Variants in UNC5B observed in about 807,000 individuals in gnomAD.
UNC5B encodes unc-5 netrin receptor B.
UNC5B carries 56 observed loss-of-function variants against 103.7 expected under a neutral mutation model. The ratio of observed to expected loss-of-function variants is 0.54; its 90% CI spans 0.44 to 0.67. UNC5B has a LOEUF of 0.67. UNC5B is among the 30% of genes least tolerant of loss of function. The probability of loss-of-function intolerance (pLI) is 0.00; values close to 1 mark genes in which losing one functional copy is unlikely to be tolerated. For missense variants in UNC5B, 1,194 were observed against 1,284.5 expected, an observed-to-expected ratio of 0.93 and a Z score of 1.08; for synonymous variants, 577 against 542.0, an observed-to-expected ratio of 1.06 and a Z score of -0.90.
Position 71,213,152 on chromosome 10 carries a change from C to A in UNC5B, c.79+88C>A. The A allele has an allele frequency of 9.2e-7, 1 of 1,091,202 alleles. No individual in the cohort carries two copies. The highest frequency in any genetic ancestry group is 1.2e-6 in the Non-Finnish European group (1 of 855,862). The allele number at this position is 1,091,202 out of a possible 1,614,324, so 67.6% of individuals were successfully genotyped here. A position where few individuals can be genotyped will look rare whatever the true frequency, so the allele number is the denominator to read the frequency against. ...AAGTTGAGGTGGTCTTTCGTCGCAT[C>A]GATGCGCGCAGGAAAAGCGGCAAGG... On this transcript the variant is annotated intron_variant, in intron 1 of 16. Coordinates refer to ENST00000335350, the MANE Select transcript of UNC5B (RefSeq NM_170744.5). This position sits in a 1 kb window ranked among gnomAD's most constrained non-coding sequence, Gnocchi z 4.1.
intron 1 of UNC5B, among the ~76,000 whole-genome samples, chr10:71,229,661 G>A (rs1843643996): frequency 6.6e-6 from 1 of 152,202 alleles, no homozygotes. Flanking sequence ...AAATTCCCTG[G>A]GACCTTGGGG....
At position 71,286,789 on chromosome 10, in the gene UNC5B, C is replaced by T. The variant is rs112144078; in HGVS notation, c.653C>T (p.Ser218Leu). ...HNLIIRQARLSDTANYTCVAK... is the reference protein window; with the variant it reads ...HNLIIRQARLLDTANYTCVAK... ...CTCATCATCCGCCAGGCCCGCCTGT[C>T]GGACACTGCCAACTATACCTGCGTG... is the stretch of plus-strand genomic sequence containing the variant. The change falls in exon 5 of 17, where the codon TCG becomes TTG. Residue 218 changes from serine (S) to leucine (L), a missense_variant. Transcript: ENST00000335350. The T allele has an allele frequency of 1.9e-3, 3,053 of 1,614,200 alleles. 31 individuals carry two copies. In the African/African-American group the frequency reaches 0.022, roughly 12 times the overall value.
intron 1 of UNC5B, among the ~76,000 whole-genome samples, chr10:71,243,409 C>A (rs1843952575): frequency 6.6e-6 from 1 of 152,134 alleles, no homozygotes; most frequent in African/African-American, 2.4e-5. Flanking sequence ...CTGCACTGCC[C>A]AGTCTGGTAG....
intron 15 of UNC5B, among the ~76,000 whole-genome samples, chr10:71,296,984 TGGTGGAGGTGAGGGAAG>T (rs1845454921): frequency 3.7e-5 from 5 of 135,492 alleles, no homozygotes; most frequent in Admixed American, 7.3e-5. Context: ...CACACCACTC[TGGTGGAGGTGAGGGAAG>T]GGCGGCCAGA....
intron 1 of UNC5B, among the ~76,000 whole-genome samples, chr10:71,230,488 C>T (rs1311807181): frequency 2.0e-5 from 3 of 152,260 alleles, no homozygotes; most frequent in African/African-American, 7.2e-5. Flanking sequence ...ACCAAGTGAC[C>T]TGTGGACCTA....
At chr10:71,275,914 C>A (rs1227569607) in intron 1 of UNC5B, among the ~76,000 whole-genome samples, 2 of 152,010 alleles carry the variant, frequency 1.3e-5, no homozygotes, top group Non-Finnish European at 2.9e-5. Context: ...CTTTGCAAAG[C>A]TGGGATTGTG....
intron 1 of UNC5B, among the ~76,000 whole-genome samples, chr10:71,259,302 T>C (rs2132279423): frequency 6.7e-6 from 1 of 150,282 alleles, no homozygotes. Context: ...GGCAGGAGAA[T>C]CATTTGAACC....
intron 1 of UNC5B, among the ~76,000 whole-genome samples, chr10:71,228,244 C>T (rs942006736): frequency 6.6e-6 from 1 of 152,144 alleles, no homozygotes; most frequent in African/African-American, 2.4e-5. Flanking sequence ...AACAATGATA[C>T]AACTACTAAA....
chr10:71,258,466 C>A (rs530007151), intron 1 of UNC5B, among the ~76,000 whole-genome samples: 6 of 152,176 alleles, frequency 3.9e-5, no homozygotes, highest in Non-Finnish European at 8.8e-5. Flanking sequence ...ACCCATTCCT[C>A]CTCCAAGCCC....
chr10:71,244,406 C>T (rs1843976267), intron 1 of UNC5B, among the ~76,000 whole-genome samples: 1 of 152,224 alleles, frequency 6.6e-6, no homozygotes, highest in African/African-American at 2.4e-5. Flanking sequence ...CACCTAGCCC[C>T]TGGGACGTTG....
intron 1 of UNC5B, among the ~76,000 whole-genome samples, chr10:71,232,296 A>G (rs1843698846): frequency 6.6e-6 from 1 of 152,236 alleles, no homozygotes; most frequent in African/African-American, 2.4e-5. Flanking sequence ...TTTAAATAAG[A>G]TCTTCATTTA....
In UNC5B at chr10:71,276,476, C is replaced by T. The variant is rs571136823; in HGVS notation, c.80-3345C>T. On this transcript the variant is annotated intron_variant, in intron 1 of 16. Transcript: ENST00000335350. ...GGAAACAGAGTCTCACTTTGTCGCC[C>T]AGGCTGGAGTGCAGTGGTGCGATCT... 3.2e-3 allele frequency among the ~76,000 whole-genome samples: 483 copies of T among 152,296 alleles called. 4 individuals carry two copies. Among genetic ancestry groups the T allele is most frequent in the Non-Finnish European group, 3.5e-3 (241 of 68,030 alleles).
intron 5 of UNC5B, 125 bp from the exon 6 acceptor site, chr10:71,287,473 C>A: frequency 1.6e-6 from 2 of 1,217,138 alleles, no homozygotes; most frequent in Non-Finnish European, 2.3e-6. Context: ...ACACTGTAGG[C>A]AAAAGGGGTC....
At chr10:71,296,955 CGG>C (rs1845452249) in intron 15 of UNC5B, among the ~76,000 whole-genome samples, 1 of 108,762 alleles carries the variant, frequency 9.2e-6, no homozygotes, top group Admixed American at 9.1e-5. Flanking sequence ...GAGGGAAGGG[CGG>C]CCAGATATTC....
intron 1 of UNC5B, among the ~76,000 whole-genome samples, chr10:71,221,653 T>G (rs962865182): frequency 6.6e-6 from 1 of 152,210 alleles, no homozygotes; most frequent in Non-Finnish European, 1.5e-5. Flanking sequence ...GTGCCTGGCC[T>G]GTGATGCTGG....
At chr10:71,244,885 G>A (rs768082282) in intron 1 of UNC5B, among the ~76,000 whole-genome samples, 1 of 152,224 alleles carries the variant, frequency 6.6e-6, no homozygotes, top group Non-Finnish European at 1.5e-5. Context: ...TCCAGCTCCC[G>A]CTGGCCCTCC....
intron 1 of UNC5B, among the ~76,000 whole-genome samples, chr10:71,236,076 G>A (rs1843769696): frequency 6.6e-6 from 1 of 152,234 alleles, no homozygotes; most frequent in Non-Finnish European, 1.5e-5. Flanking sequence ...TCTGGTCGGG[G>A]CAGGAGGGAA....
Position 71,291,498 on chromosome 10 carries a change from G to A in UNC5B, c.1361G>A (p.Gly454Glu). 1 of 1,614,084 alleles carries A rather than the reference G, an allele frequency of 6.2e-7. No individual in the cohort carries two copies. The highest frequency in any genetic ancestry group is 8.5e-7 in the Non-Finnish European group (1 of 1,180,008). ...ACAGCCAGCGCCGGCATCTACCGCG[G>A]ACCCGTGTATGCCCTGCAGGACTCC... ...DLTASAGIYR[G>E]PVYALQDSTD... The change falls in exon 10 of 17, where the codon GGA (glycine) becomes GAA (glutamate). Residue 454 changes from glycine to glutamate, a missense_variant. Coordinates refer to ENST00000335350, the MANE Select transcript of UNC5B (RefSeq NM_170744.5).
intron 1 of UNC5B, among the ~76,000 whole-genome samples, chr10:71,255,935 C>T (rs986743388): frequency 3.9e-5 from 6 of 152,224 alleles, no homozygotes; most frequent in Admixed American, 6.5e-5. Flanking sequence ...TGAGCCCCCA[C>T]GGTGGGGAGG....
Sources: gnomAD v4.1 joint callset for allele counts (sites outside exome capture counted in the v4.1 genomes callset) on GRCh38, gnomAD v4.1.1 for gene constraint, Gnocchi (gnomAD v3.1) non-coding constraint, MANE v1.5 for transcripts, NCBI Gene and HGNC (gene_info 2026-07-23, HGNC 2026-07-21) for gene names.